The following NRG3 variants were observed in gnomAD, a reference collection of about 807,000 sequenced individuals.
The protein encoded by NRG3 is pro-neuregulin-3, membrane-bound isoform.
Under a neutral mutation model 66.9 loss-of-function variants are expected in NRG3, and 31 were observed. The ratio of observed to expected loss-of-function variants is 0.46; its 90% CI spans 0.35 to 0.63. The LOEUF is 0.63. NRG3 is among the 20% of genes least tolerant of loss of function. The pLI is 0.00. For missense variants in NRG3, 910 were observed against 878.9 expected (o/e 1.04, Z -0.45); for synonymous variants, 393 against 359.4 (o/e 1.09, Z -1.06).
intron 1 of NRG3, among the ~76,000 whole-genome samples, chr10:82,153,962 T>G (rs1230522888): frequency 6.6e-6 from 1 of 152,080 alleles, no homozygotes; most frequent in East Asian, 1.9e-4. Context: ...ATGATGGATA[T>G]TAGCCCCTTA....
intron 2 of NRG3, among the ~76,000 whole-genome samples, chr10:82,692,349 C>T (rs1204301061): frequency 6.6e-6 from 1 of 151,672 alleles, no homozygotes; most frequent in Non-Finnish European, 1.5e-5. Context: ...GTAAAAAGAA[C>T]TAGTACTAGA....
At chr10:81,914,349 G>C (rs1421954915) in intron 1 of NRG3, among the ~76,000 whole-genome samples, 2 of 151,984 alleles carry the variant, frequency 1.3e-5, no homozygotes, top group Non-Finnish European at 2.9e-5. Flanking sequence ...AATTCCAGTA[G>C]GTCTTTCAAA....
At chr10:82,003,582 T>A (rs189405145) in intron 1 of NRG3, among the ~76,000 whole-genome samples, 3 of 152,278 alleles carry the variant, frequency 2.0e-5, no homozygotes, top group African/African-American at 7.2e-5. Context: ...ATTTTAAGAA[T>A]GACAGAGTGG....
At chr10:82,446,796 G>A (rs747394081) in intron 2 of NRG3, among the ~76,000 whole-genome samples, 2 of 152,066 alleles carry the variant, frequency 1.3e-5, no homozygotes, top group Non-Finnish European at 2.9e-5. Context: ...GAACTTAAAC[G>A]TTGAAGAAAA....
intron 3 of NRG3, among the ~76,000 whole-genome samples, chr10:82,749,431 C>T (rs2058772424): frequency 1.3e-5 from 2 of 152,052 alleles, no homozygotes; most frequent in Non-Finnish European, 1.5e-5. Flanking sequence ...CACCACTCGC[C>T]CTACCCTCTG....
At chr10:82,601,095 G>A (rs936552703) in intron 2 of NRG3, among the ~76,000 whole-genome samples, 1 of 152,180 alleles carries the variant, frequency 6.6e-6, no homozygotes, top group Non-Finnish European at 1.5e-5. Flanking sequence ...ACCTTCAGCT[G>A]CATCCATGTT....
At chr10:82,683,038 A>T (rs2134136810) in intron 2 of NRG3, among the ~76,000 whole-genome samples, 1 of 138,164 alleles carries the variant, frequency 7.2e-6, no homozygotes, top group Middle Eastern at 4.7e-3. Context: ...AGCTCACTGC[A>T]ATCTCTGCCT....
Position 82,720,810 on chromosome 10 carries a change from C to CATATATATATATATATAT in NRG3, c.954-17752_954-17735dup, listed in dbSNP as rs5786567. Among the ~76,000 whole-genome samples, 338 of 114,604 alleles carry CATATATATATATATATAT rather than the reference C, an allele frequency of 2.9e-3. 3 individuals are homozygous for CATATATATATATATATAT. The highest frequency in any genetic ancestry group is 7.4e-3 in the African/African-American group (168 of 22,790). The allele number at this position is 114,604 out of a possible 152,430, so 75.2% of individuals were successfully genotyped here. A position where few individuals can be genotyped will look rare whatever the true frequency, so the allele number is the denominator to read the frequency against. On this transcript the variant is annotated intron_variant, in intron 2 of 8. Coordinates refer to ENST00000372141, the MANE Select transcript of NRG3 (RefSeq NM_001010848.4). ...AACACATATATAGGAGTATTTTATA[C>CATATATATATATATATAT]ATATATATATATATATATATATATA...
At chr10:82,885,953 T>A (rs1842686403) in intron 4 of NRG3, among the ~76,000 whole-genome samples, 1 of 151,970 alleles carries the variant, frequency 6.6e-6, no homozygotes, top group African/African-American at 2.4e-5. Flanking sequence ...CTCACTGCAA[T>A]CTCCGCCTCC....
chr10:82,973,608 G>A (rs1851972780), intron 6 of NRG3, among the ~76,000 whole-genome samples, 180 bp from the exon 7 acceptor site: 1 of 152,276 alleles, frequency 6.6e-6, no homozygotes, highest in East Asian at 1.9e-4. Flanking sequence ...GGTTGGGGCA[G>A]GGGAGGTGAA....
intron 4 of NRG3, among the ~76,000 whole-genome samples, chr10:82,884,056 T>C (rs1280229479): frequency 6.6e-6 from 1 of 152,116 alleles, no homozygotes; most frequent in Admixed American, 6.5e-5. Context: ...GAAATATTGC[T>C]TATATTTATC....
At chr10:82,714,302 T>A (rs1026585573) in intron 2 of NRG3, among the ~76,000 whole-genome samples, 1 of 151,984 alleles carries the variant, frequency 6.6e-6, no homozygotes, top group Admixed American at 6.5e-5. Flanking sequence ...ACTCACCATG[T>A]TAAAAAAAAA....
chr10:82,618,373 G>A (rs986446047), intron 2 of NRG3, among the ~76,000 whole-genome samples: 2 of 152,094 alleles, frequency 1.3e-5, no homozygotes, highest in African/African-American at 2.4e-5. Flanking sequence ...TTAGAAAATA[G>A]TCACAGGAGG....
chr10:82,263,290 A>G (rs987910843), intron 1 of NRG3, among the ~76,000 whole-genome samples: 6 of 152,176 alleles, frequency 3.9e-5, no homozygotes, highest in Non-Finnish European at 5.9e-5. Flanking sequence ...TACTCAAGGG[A>G]TGGGCAAGAG....
intron 2 of NRG3, among the ~76,000 whole-genome samples, chr10:82,542,074 T>C (rs185402787): frequency 5.3e-5 from 8 of 152,198 alleles, no homozygotes; most frequent in Non-Finnish European, 1.2e-4. Context: ...CCCTCCCCTT[T>C]CCCTCTACCC....
chr10:82,181,471 T>C (rs1377050892), intron 1 of NRG3, among the ~76,000 whole-genome samples: 1 of 151,850 alleles, frequency 6.6e-6, no homozygotes, highest in Non-Finnish European at 1.5e-5. Context: ...CTTATTTTCA[T>C]TTGTCTCAAG....
rs182441248 is a variant in NRG3 at position 82,253,593 on chromosome 10, A to G, written c.824-105146A>G. Among the ~76,000 whole-genome samples, 505 of 152,282 alleles carry G rather than the reference A, an allele frequency of 3.3e-3. 1 individual carries two copies. Among genetic ancestry groups the G allele is most frequent in the African/African-American group, 0.011 (456 of 41,558 alleles). On this transcript the variant is annotated intron_variant, in intron 1 of 8. Transcript: ENST00000372141. The stretch of plus-strand genomic sequence containing the variant: ...TTCAAACACACCAGACTCAGCCACC[A>G]TCACCTTACTCAAAAGCACAAATAT...
At chr10:82,163,445 A>T (rs929408437) in intron 1 of NRG3, among the ~76,000 whole-genome samples, 1 of 152,214 alleles carries the variant, frequency 6.6e-6, no homozygotes, top group African/African-American at 2.4e-5. Flanking sequence ...CAGCAACCAG[A>T]TACCAACTAC....
At chr10:82,170,982 GATC>G (rs2072558709) in intron 1 of NRG3, among the ~76,000 whole-genome samples, 1 of 151,576 alleles carries the variant, frequency 6.6e-6, no homozygotes, top group African/African-American at 2.4e-5. Context: ...TGCAGTCTGA[GATC>G]ATTTGTCTTC....
Sources: allele counts gnomAD v4.1 joint callset (sites outside exome capture counted in the v4.1 genomes callset), GRCh38; gene constraint gnomAD v4.1.1; transcripts MANE v1.5; gene names NCBI Gene and HGNC (gene_info 2026-07-23, HGNC 2026-07-21).